Variants in SH3BP5 observed in about 807,000 individuals in gnomAD.
The protein encoded by SH3BP5 is SH3 domain-binding protein 5.
A neutral mutation model predicts 43.3 loss-of-function variants in SH3BP5; 22 were observed. The observed-to-expected ratio is 0.51, with a 90% CI of 0.36 to 0.73. The LOEUF (loss-of-function observed/expected upper bound fraction) is 0.73. Among genes scored for constraint, SH3BP5 ranks in the 30% least tolerant of loss-of-function variants. SH3BP5 has a pLI of 0.00. For synonymous variants in SH3BP5, 255 were observed against 225.8 expected (o/e 1.13, Z -1.16); for missense variants, 529 against 586.9 (o/e 0.90, Z 1.02).
chr3:15,332,658 G>A, upstream of SH3BP5: 1 of 1,156,928 alleles, frequency 8.6e-7, no homozygotes, highest in Non-Finnish European at 1.1e-6. Flanking sequence ...GTCCCGCCCC[G>A]GCCTCGCGTT....
Position 15,258,875 on chromosome 3 carries a change from A to G in SH3BP5, c.845T>C (p.Val282Ala), listed in dbSNP as rs778781798. The G allele has an allele frequency of 1.9e-6, 3 of 1,614,192 alleles. No homozygotes were observed. The highest frequency in any genetic ancestry group is 1.7e-4 in the Middle Eastern group (1 of 6,050). The stretch of plus-strand genomic sequence containing the variant: ...AGGTTTGCTCCCTGGCAGATCCTCC[A>G]CAGATGTGCTGCTGCCCTCAGCACC... ...GVGAEGSSTS[V>A]EDLPGSKPEP... Residue 282 changes from valine to alanine, a missense_variant, in exon 7 of 9, where the codon GTG (valine) becomes GCG (alanine). Val to Ala is a moderately conservative substitution (Grantham distance 64, BLOSUM62 0). This residue lies in a region of SH3BP5 where 369 missense variants were observed against 384.3 expected (regional missense o/e 0.96). Transcript: ENST00000383791.
intron 2 of SH3BP5, among the ~76,000 whole-genome samples, chr3:15,316,434 A>G (rs921565166): frequency 2.6e-5 from 4 of 152,154 alleles, no homozygotes; most frequent in African/African-American, 9.6e-5. Context: ...CATGTTGGTC[A>G]GGCTGGTCTC....
intron 4 of SH3BP5, among the ~76,000 whole-genome samples, chr3:15,269,323 C>A (rs1329486011): frequency 6.6e-6 from 1 of 152,134 alleles, no homozygotes; most frequent in African/African-American, 2.4e-5. Flanking sequence ...GTGCAGCCCC[C>A]ATTTAGGGCT....
At chr3:15,291,787 C>A (rs1395717416) in intron 3 of SH3BP5, among the ~76,000 whole-genome samples, 3 of 152,150 alleles carry the variant, frequency 2.0e-5, no homozygotes, top group African/African-American at 4.8e-5. Context: ...AAGTCAGAAC[C>A]ACTTGAAGCC....
chr3:15,328,175 G>A (rs973554384), intron 2 of SH3BP5, among the ~76,000 whole-genome samples: 7 of 152,160 alleles, frequency 4.6e-5, no homozygotes, highest in African/African-American at 1.2e-4. Flanking sequence ...CCTCTCACAC[G>A]GTTCCAAATG....
chr3:15,256,770 C>CTGGCAGAGGTA, intron 8 of SH3BP5, 83 bp downstream of exon 8: 8 of 1,458,896 alleles, frequency 5.5e-6, no homozygotes, highest in Non-Finnish European at 7.4e-6. Context: ...GCCCTGAGAC[C>CTGGCAGAGGTA]TGGCAGAGGT....
At chr3:15,317,474 G>C (rs1698213009) in intron 2 of SH3BP5, among the ~76,000 whole-genome samples, 1 of 152,192 alleles carries the variant, frequency 6.6e-6, no homozygotes, top group African/African-American at 2.4e-5. Context: ...TAGAGACACA[G>C]GAGATATGAC....
chr3:15,330,904 G>T, intron 1 of SH3BP5: 1 of 210,152 alleles, frequency 4.8e-6, no homozygotes, highest in Non-Finnish European at 8.3e-6. Context: ...TCTGCCTTGA[G>T]CAAGAACTTT....
intron 5 of SH3BP5, among the ~76,000 whole-genome samples, chr3:15,261,307 AAAGTC>A (rs753322174): frequency 6.6e-6 from 1 of 152,196 alleles, no homozygotes; most frequent in Non-Finnish European, 1.5e-5. Context: ...AAACTAAAGA[AAAGTC>A]AAGCCTGGGT....
At chr3:15,277,056 T>G (rs1696992548) in intron 3 of SH3BP5, among the ~76,000 whole-genome samples, 1 of 152,116 alleles carries the variant, frequency 6.6e-6, no homozygotes, top group South Asian at 2.1e-4. Context: ...GTTCAAATGA[T>G]TCTCCTGCCT....
intron 2 of SH3BP5, among the ~76,000 whole-genome samples, chr3:15,310,871 C>T (rs1489756201): frequency 6.6e-6 from 1 of 152,096 alleles, no homozygotes; most frequent in Admixed American, 6.6e-5. Flanking sequence ...GACAAACAGC[C>T]TTGTGTCAGA....
intron 5 of SH3BP5, among the ~76,000 whole-genome samples, chr3:15,261,065 G>C (rs1696419996): frequency 6.6e-6 from 1 of 152,070 alleles, no homozygotes; most frequent in Non-Finnish European, 1.5e-5. Flanking sequence ...ATGATGCCTG[G>C]GCTTGCCCAG....
rs755722866 is a variant in SH3BP5, at chr3:15,259,775, A to G, written c.655T>C (p.Tyr219His). 4.3e-6 allele frequency: 7 copies of G among 1,614,040 alleles called. No homozygotes were observed. Among genetic ancestry groups the G allele is most frequent in the Non-Finnish European group, 5.9e-6 (7 of 1,179,994 alleles). ...GCTACACATACCTCGAGCTGCACAT[A>G]GTACTTTGCCTTGAGTTCAAAATAA... ...KPYFELKAKY[Y>H]VQLEQLKKTV... is the part of the protein sequence containing the mutation. Residue 219 changes from tyrosine (Y) to histidine (H), a missense_variant, in exon 6 of 9, where the codon TAT becomes CAT. Around this residue, in one of 3 missense-constraint regions of SH3BP5, gnomAD observed 369 missense variants for 384.3 expected, o/e 0.96. Transcript: ENST00000383791.
intron 1 of SH3BP5, chr3:15,332,015 T>C: frequency 1.9e-6 from 1 of 524,876 alleles, no homozygotes; most frequent in South Asian, 2.3e-5. Flanking sequence ...CCAGGCACGC[T>C]GCACCGACCC....
chr3:15,301,364 T>G (rs917847930), intron 3 of SH3BP5, among the ~76,000 whole-genome samples: 2 of 152,214 alleles, frequency 1.3e-5, no homozygotes, highest in Non-Finnish European at 2.9e-5. Context: ...CATCATTCAC[T>G]AGTTTGTTCA....
chr3:15,269,938 T>A, intron 3 of SH3BP5, 61 bp from the exon 4 acceptor site: 1 of 1,396,372 alleles, frequency 7.2e-7, no homozygotes, highest in Non-Finnish European at 9.6e-7. Flanking sequence ...CATGGTCCAT[T>A]TTACCTTTCA....
intron 4 of SH3BP5, among the ~76,000 whole-genome samples, chr3:15,265,753 C>T (rs1202951202): frequency 6.6e-6 from 1 of 151,988 alleles, no homozygotes; most frequent in Admixed American, 6.5e-5. Flanking sequence ...AGGAGAGCGG[C>T]TCAGGGGTAG....
intron 3 of SH3BP5, among the ~76,000 whole-genome samples, chr3:15,286,926 G>A (rs1243001447): frequency 6.6e-6 from 1 of 152,172 alleles, no homozygotes; most frequent in African/African-American, 2.4e-5. Flanking sequence ...GAAAGGATAA[G>A]ATGCAATTTC....
chr3:15,335,140 A>G (rs4685250), upstream of SH3BP5, among the ~76,000 whole-genome samples: 5 of 152,010 alleles, frequency 3.3e-5, no homozygotes, highest in Admixed American at 3.3e-4. Flanking sequence ...CACATCTGTA[A>G]TCCTAGCACT....
Sources: allele counts gnomAD v4.1 joint callset (sites outside exome capture counted in the v4.1 genomes callset), GRCh38; gene constraint gnomAD v4.1.1; regional missense constraint gnomAD v4.1.1; transcripts MANE v1.5; gene names NCBI Gene and HGNC (gene_info 2026-07-23, HGNC 2026-07-21).